Variants in GRIP2 observed in about 807,000 individuals in gnomAD.
The protein encoded by GRIP2 is glutamate receptor interacting protein 2, also known as glutamate receptor-interacting protein 2.
Under a neutral mutation model 108.3 loss-of-function variants are expected in GRIP2, and 58 were observed. The observed-to-expected ratio is 0.54, with a 90% confidence interval of 0.43 to 0.67. The LOEUF (loss-of-function observed/expected upper bound fraction) is 0.67, where lower values mean the gene tolerates loss of function less well. Among genes scored for constraint, GRIP2 ranks in the 30% least tolerant of loss-of-function variants. GRIP2 has a pLI of 0.00. For synonymous variants in GRIP2, 586 were observed against 598.2 expected, an observed-to-expected ratio of 0.98 and a Z score of 0.30; for missense variants, 1,278 against 1,430.6, an observed-to-expected ratio of 0.89 and a Z score of 1.72.
chr3:14,560,837 C>T (rs1029314398), upstream of GRIP2, among the ~76,000 whole-genome samples: 4 of 152,180 alleles, frequency 2.6e-5, no homozygotes, highest in Non-Finnish European at 5.9e-5. Flanking sequence ...CCAGTGTCTT[C>T]CTCATCTCAG....
In GRIP2 at chr3:14,511,298, C is replaced by T. The variant is rs748477827; in HGVS notation, c.1800G>A (p.Leu600=). ...TGGCCAGTAGCTTGTCGCCTGGCTC[C>T]AGGGTGCCCGTCCTGCATGAGTCGG... The part of the protein sequence containing the change: ...KGSVAHRTGT[L]EPGDKLLAID... The change falls in exon 16 of 24, where the codon CTG becomes CTA. Residue 600 remains leucine, a synonymous_variant. Transcript: ENST00000621039. The surrounding 1 kb of genome is among the most constrained non-coding windows in gnomAD (Gnocchi z 4.1). 1 of 1,613,904 alleles carries T rather than the reference C, an allele frequency of 6.2e-7. No individual in the cohort carries two copies. Among genetic ancestry groups the T allele is most frequent in the Non-Finnish European group, 8.5e-7 (1 of 1,179,898 alleles).
chr3:14,519,592 C>G (rs1014644327), intron 9 of GRIP2, among the ~76,000 whole-genome samples: 2 of 152,192 alleles, frequency 1.3e-5, no homozygotes, highest in East Asian at 1.9e-4. Flanking sequence ...GGCCACCCCC[C>G]ACCCTGCCCC....
intron 19 of GRIP2, among the ~76,000 whole-genome samples, chr3:14,506,555 G>T (rs531649815): frequency 6.6e-6 from 1 of 152,336 alleles, no homozygotes; most frequent in African/African-American, 2.4e-5. Flanking sequence ...GGAAAGCTTA[G>T]CAGCCAGCAT....
the GRIP2 span, among the ~76,000 whole-genome samples, chr3:14,587,723 C>A: frequency 1.3e-5 from 2 of 151,908 alleles, no homozygotes; most frequent in Admixed American, 6.6e-5. Flanking sequence ...AGTTAACTGT[C>A]CCTGCCTCCC....
chr3:14,586,027 C>A, the GRIP2 span, among the ~76,000 whole-genome samples: 1 of 152,200 alleles, frequency 6.6e-6, no homozygotes, highest in Admixed American at 6.5e-5. Context: ...TTTCACTCTC[C>A]GGCTTTCTCA....
the GRIP2 span, among the ~76,000 whole-genome samples, chr3:14,590,197 C>G: frequency 6.6e-6 from 1 of 152,180 alleles, no homozygotes; most frequent in African/African-American, 2.4e-5. Context: ...GTGAGGCTGG[C>G]CTTCTTTCAG....
chr3:14,592,416 A>C, the GRIP2 span, among the ~76,000 whole-genome samples: 15 of 152,302 alleles, frequency 9.8e-5, no homozygotes, highest in South Asian at 4.1e-4. Context: ...CCAGCTGGTA[A>C]AGGAGTCGGG....
chr3:14,596,534 C>T, the GRIP2 span, among the ~76,000 whole-genome samples: 1 of 152,136 alleles, frequency 6.6e-6, no homozygotes, highest in Non-Finnish European at 1.5e-5. Flanking sequence ...CTGTTGAGCA[C>T]CTACTGTGTA....
Position 14,493,701 on chromosome 3 carries a change from G to T in GRIP2, c.3096C>A (p.Pro1032=), listed in dbSNP as rs1416247890. 1.2e-6 allele frequency: 2 copies of T among 1,608,824 alleles called. No homozygotes were observed. The highest frequency in any genetic ancestry group is 2.2e-5 in the East Asian group (1 of 44,730). ...GGGGACTGCTGGGGCCTGGCGATCG[G>T]GGGGCCCGGCTGCTGTGTGCCGTGT... ...KPHTAHSSRA[P]RSPGPSSPRM... Residue 1032 remains proline, a synonymous_variant, in exon 24 of 24, where the codon CCC becomes CCA. Coordinates refer to ENST00000621039, the MANE Select transcript of GRIP2 (RefSeq NM_001080423.4).
chr3:14,546,483 G>A (rs542827582), upstream of GRIP2, among the ~76,000 whole-genome samples: 51 of 152,106 alleles, frequency 3.4e-4, no homozygotes, highest in African/African-American at 5.1e-4. Flanking sequence ...TGGAATCCAG[G>A]TCCCTTCTGC....
At chr3:14,546,918 T>C (rs1204211286), upstream of GRIP2, among the ~76,000 whole-genome samples, 1 of 152,184 alleles carries the variant, frequency 6.6e-6, no homozygotes, top group Non-Finnish European at 1.5e-5. Flanking sequence ...AGAAATTCCA[T>C]GTCTGGCCAC....
Position 14,520,153 on chromosome 3 carries a change from C to A in GRIP2, c.987G>T (p.Leu329=). Residue 329 remains leucine, a synonymous_variant, in exon 9 of 24, where the codon CTG becomes CTT. Transcript: ENST00000621039. ...GTGGCCGCTGACTCTGGGGCACAGG[C>A]AGGATCTCCAGCCGCACCTTCTCTG... ...SISEKVRLEI[L]PVPQSQRPLR... is the part of the protein sequence containing the mutation. 1 of 1,610,398 alleles carries A rather than the reference C, an allele frequency of 6.2e-7. No homozygotes were observed.
In GRIP2 at chr3:14,505,674, G is replaced by T. The variant is rs61731938; in HGVS notation, c.2514C>A (p.Thr838=). The change falls in exon 20 of 24, where the codon ACC becomes ACA. Residue 838 remains threonine, a synonymous_variant. Transcript: ENST00000621039. The surrounding 1 kb of genome is among the most constrained non-coding windows in gnomAD (Gnocchi z 4.2). ...TEPRRTSYTP[T]PADESFPEEE... ...CCTCTGGAAAGCTCTCGTCAGCTGG[G>T]GTTGGGGTATAGCTCGTCCTCCGGG... 1 of 1,607,136 alleles carries T rather than the reference G, an allele frequency of 6.2e-7. No homozygotes were observed. Among genetic ancestry groups the T allele is most frequent in the East Asian group, 2.2e-5 (1 of 44,670 alleles).
Position 14,522,414 on chromosome 3 carries a change from C to T in GRIP2, c.566+586G>A, listed in dbSNP as rs915332955. On this transcript the variant is annotated intron_variant, in intron 6 of 23. Coordinates refer to ENST00000621039, the MANE Select transcript of GRIP2 (RefSeq NM_001080423.4). This position sits in a 1 kb window ranked among gnomAD's most constrained non-coding sequence, Gnocchi z 4.3. ...ATTCTCGGGGGTTCTATGAATAGCT[C>T]ATCACAGGGCCCTGTCCCAAGGACA... is the stretch of plus-strand genomic sequence containing the variant. 1 of 153,016 alleles carries T rather than the reference C, an allele frequency of 6.5e-6. No homozygotes were observed. Among genetic ancestry groups the T allele is most frequent in the Non-Finnish European group, 1.5e-5 (1 of 68,634 alleles). 9.5% of individuals were successfully genotyped at this position (153,016 alleles called of 1,614,324 possible).
At chr3:14,561,965 G>A in the GRIP2 span, among the ~76,000 whole-genome samples, 2 of 152,242 alleles carry the variant, frequency 1.3e-5, no homozygotes, top group Non-Finnish European at 2.9e-5. Context: ...TGTGTGCCAA[G>A]CGTGGAGGTA....
chr3:14,589,122 G>A, the GRIP2 span, among the ~76,000 whole-genome samples: 3,812 of 151,616 alleles, frequency 0.025, 74 homozygotes, highest in Non-Finnish European at 0.04. Context: ...CAGCCTTCTT[G>A]GGGAGCCATG....
At chr3:14,563,393 T>G in the GRIP2 span, among the ~76,000 whole-genome samples, 15 of 149,946 alleles carry the variant, frequency 1.0e-4, no homozygotes, top group Admixed American at 2.0e-4. Context: ...AAAGAGGGAG[T>G]CATAAAAGGC....
the GRIP2 span, chr3:14,573,948 C>T: frequency 1.4e-5 from 15 of 1,095,520 alleles, no homozygotes; most frequent in African/African-American, 1.5e-5. Flanking sequence ...GCGCCCTGCG[C>T]GAATGAAGCT....
chr3:14,521,751 A>G lies in GRIP2; in HGVS notation c.603T>C (p.Ser201=), dbSNP rs4234526. The change falls in exon 7 of 24, where the codon AGT becomes AGC. Residue 201 remains serine (S), a synonymous_variant. Coordinates refer to ENST00000621039, the MANE Select transcript of GRIP2 (RefSeq NM_001080423.4). The surrounding 1 kb of genome is among the most constrained non-coding windows in gnomAD (Gnocchi z 5.1). The part of the protein sequence containing the change: ...GSLKVGDRLL[S]VDGIPLHGAS... ...CCCCGTGCAGCGGGATTCCATCGAC[A>G]CTGAGCAGCCTGTCGCCCACCTTCA... 0.42 allele frequency: 679,283 copies of G among 1,605,772 alleles called. 148,487 individuals carry two copies. Among genetic ancestry groups the G allele is most frequent in the East Asian group, 0.59 (26,106 of 44,400 alleles).
Sources: gnomAD v4.1 joint callset for allele counts (sites outside exome capture counted in the v4.1 genomes callset) on GRCh38, gnomAD v4.1.1 for gene constraint, Gnocchi (gnomAD v3.1) non-coding constraint, MANE v1.5 for transcripts, NCBI Gene and HGNC (gene_info 2026-07-23, HGNC 2026-07-21) for gene names.